Variants in ECT2L observed in about 807,000 individuals in gnomAD.
The protein encoded by ECT2L is epithelial cell transforming 2 like, also known as epithelial cell-transforming sequence 2 oncogene-like.
ECT2L carries 126 observed loss-of-function variants against 122.8 expected under a neutral mutation model. That is an observed-to-expected ratio of 1.03 (90% confidence interval 0.89 to 1.19). ECT2L has a LOEUF of 1.19. ECT2L is among the 50% of genes most tolerant of loss of function. The probability of loss-of-function intolerance (pLI) is 0.00; values close to 1 mark genes in which losing one functional copy is unlikely to be tolerated. For synonymous variants in ECT2L, 385 were observed against 381.8 expected, an observed-to-expected ratio of 1.01 and a Z score of -0.10; for missense variants, 1,012 against 1,064.1, an observed-to-expected ratio of 0.95 and a Z score of 0.68.
chr6:138,852,527 G>A (rs1777485715), intron 9 of ECT2L, among the ~76,000 whole-genome samples: 1 of 152,190 alleles, frequency 6.6e-6, no homozygotes, highest in Non-Finnish European at 1.5e-5. Flanking sequence ...TATGGCTGGA[G>A]TAAACCAGCA....
intron 13 of ECT2L, among the ~76,000 whole-genome samples, chr6:138,873,107 A>G (rs778678990): frequency 2.6e-5 from 4 of 152,242 alleles, no homozygotes; most frequent in Non-Finnish European, 5.9e-5. Context: ...TGTTCATAAA[A>G]TAATGCATGA....
chr6:138,832,983 C>T (rs931541976), intron 4 of ECT2L, among the ~76,000 whole-genome samples: 11 of 151,996 alleles, frequency 7.2e-5, no homozygotes, highest in South Asian at 4.2e-4. Context: ...CTTACAATCA[C>T]GGTGGAAGGG....
chr6:138,842,023 T>C (rs965076432), intron 5 of ECT2L, among the ~76,000 whole-genome samples: 7 of 152,080 alleles, frequency 4.6e-5, no homozygotes, highest in African/African-American at 1.7e-4. Context: ...TATTGGAACA[T>C]TGGATAAGTG....
At chr6:138,898,520 G>A (rs1779288158) in intron 20 of ECT2L, among the ~76,000 whole-genome samples, 1 of 152,194 alleles carries the variant, frequency 6.6e-6, no homozygotes, top group Admixed American at 6.5e-5. Flanking sequence ...AGGCATAGCT[G>A]TAACTAATAA....
At chr6:138,822,702 C>T (rs1776307817) in intron 4 of ECT2L, 4 of 1,523,474 alleles carry the variant, frequency 2.6e-6, no homozygotes, top group East Asian at 2.4e-5. Context: ...GCGTGAGCGA[C>T]GCAGAAGACG....
intron 1 of ECT2L, among the ~76,000 whole-genome samples, chr6:138,801,947 GCTGA>G (rs1339485006): frequency 6.6e-6 from 1 of 152,202 alleles, no homozygotes; most frequent in Non-Finnish European, 1.5e-5. Context: ...GATGTGGCCT[GCTGA>G]CTGTGTTTGC....
chr6:138,872,779 T>C (rs1778301741), intron 13 of ECT2L, among the ~76,000 whole-genome samples: 1 of 152,198 alleles, frequency 6.6e-6, no homozygotes, highest in South Asian at 2.1e-4. Context: ...GGAATCCTTA[T>C]TGGATTCTTT....
At chr6:138,834,946 C>CAT (rs1554271444) in intron 4 of ECT2L, among the ~76,000 whole-genome samples, 3 of 151,444 alleles carry the variant, frequency 2.0e-5, no homozygotes, top group African/African-American at 4.8e-5. Flanking sequence ...CTCTCATTCT[C>CAT]TCTCTCTGTC....
intron 5 of ECT2L, 36 bp downstream of exon 5, chr6:138,838,550 A>C (rs760493089): frequency 6.3e-7 from 1 of 1,587,062 alleles, no homozygotes; most frequent in Non-Finnish European, 8.6e-7. Context: ...ATAGGGCACA[A>C]GTACAGCTGT....
Position 138,900,378 on chromosome 6 carries a change from G to A in ECT2L, c.2415-570G>A, listed in dbSNP as rs142956708. Among the ~76,000 whole-genome samples the A allele has an allele frequency of 9.0e-3, 1,372 of 151,934 alleles. 16 individuals carry two copies. Among genetic ancestry groups the A allele is most frequent in the African/African-American group, 0.031 (1,297 of 41,480 alleles). On this transcript the variant is annotated intron_variant, in intron 20 of 21. Coordinates refer to ENST00000541398, the MANE Select transcript of ECT2L (RefSeq NM_001077706.3). ...TCTCCTGCCTCAGCCTCCCAAGTAGGTGGGACTACAGGCATGTGCCACCAT... is the reference window on the plus strand; with the variant it reads ...TCTCCTGCCTCAGCCTCCCAAGTAGATGGGACTACAGGCATGTGCCACCAT...
At chr6:138,870,783 C>T (rs1778227301) in intron 13 of ECT2L, among the ~76,000 whole-genome samples, 1 of 152,010 alleles carries the variant, frequency 6.6e-6, no homozygotes, top group Non-Finnish European at 1.5e-5. Context: ...CCCAGGCGGG[C>T]AGATCATTTG....
chr6:138,818,650 G>A (rs1776150716), intron 4 of ECT2L, among the ~76,000 whole-genome samples: 1 of 152,162 alleles, frequency 6.6e-6, no homozygotes, highest in African/African-American at 2.4e-5. Context: ...CTGCTGCATG[G>A]GGTCACGGGA....
chr6:138,885,936 C>T, intron 18 of ECT2L, 106 bp downstream of exon 18: 2 of 1,120,876 alleles, frequency 1.8e-6, no homozygotes, highest in Non-Finnish European at 2.5e-6. Flanking sequence ...GGGTTCTTCG[C>T]TTTAAAGTCT....
At chr6:138,832,162 A>G (rs927255920) in intron 4 of ECT2L, among the ~76,000 whole-genome samples, 23 of 149,380 alleles carry the variant, frequency 1.5e-4, no homozygotes, top group African/African-American at 3.2e-4. Context: ...CAAAAACTAT[A>G]TATTTTTTAC....
At chr6:138,851,865 T>C (rs1430619286) in intron 9 of ECT2L, among the ~76,000 whole-genome samples, 1 of 152,224 alleles carries the variant, frequency 6.6e-6, no homozygotes, top group Non-Finnish European at 1.5e-5. Context: ...GATCTATAAA[T>C]TGGTGTACAC....
intron 4 of ECT2L, among the ~76,000 whole-genome samples, chr6:138,831,054 T>C (rs1050020489): frequency 3.3e-5 from 5 of 152,206 alleles, no homozygotes; most frequent in African/African-American, 1.2e-4. Flanking sequence ...GACTATATTC[T>C]CTATTTTAAT....
At chr6:138,858,226 A>G (rs1305653874) in intron 10 of ECT2L, among the ~76,000 whole-genome samples, 3 of 151,940 alleles carry the variant, frequency 2.0e-5, no homozygotes, top group African/African-American at 4.8e-5. Flanking sequence ...TGAGCTGCAG[A>G]CTCATATCTA....
chr6:138,898,053 G>C (rs1779274790), intron 20 of ECT2L, among the ~76,000 whole-genome samples: 1 of 112,168 alleles, frequency 8.9e-6, no homozygotes, highest in Non-Finnish European at 2.0e-5. Context: ...TCTTATCATG[G>C]ATATGGTAAA....
intron 4 of ECT2L, among the ~76,000 whole-genome samples, chr6:138,831,263 G>C (rs973845445): frequency 6.6e-6 from 1 of 152,210 alleles, no homozygotes; most frequent in Non-Finnish European, 1.5e-5. Flanking sequence ...CATCATTCTG[G>C]ACTCTCTCCC....
Sources: gnomAD v4.1 joint callset for allele counts (sites outside exome capture counted in the v4.1 genomes callset) on GRCh38, gnomAD v4.1.1 for gene constraint, MANE v1.5 for transcripts, NCBI Gene and HGNC (gene_info 2026-07-23, HGNC 2026-07-21) for gene names.